Variants in CSMD1 observed in about 807,000 individuals in gnomAD.
CSMD1 encodes CUB and Sushi multiple domains 1.
CSMD1 carries 213 observed loss-of-function variants against 417.5 expected under a neutral mutation model. The ratio of observed to expected loss-of-function variants is 0.51; its 90% confidence interval spans 0.46 to 0.57. The LOEUF is 0.57. Among genes scored for constraint, CSMD1 ranks in the 20% least tolerant of loss-of-function variants. The probability of loss-of-function intolerance (pLI) is 0.00; values close to 1 mark genes in which losing one functional copy is unlikely to be tolerated. For synonymous variants in CSMD1, 2,862 were observed against 1,736.8 expected (o/e 1.65, Z -16.11); for missense variants, 6,923 against 4,529.7 (o/e 1.53, Z -15.17).
At chr8:3,653,367 G>C (rs1157692415) in intron 7 of CSMD1, among the ~76,000 whole-genome samples, 4 of 152,146 alleles carry the variant, frequency 2.6e-5, no homozygotes, top group Non-Finnish European at 4.4e-5. Flanking sequence ...GTACTGCAGA[G>C]GCATGATCTC....
chr8:4,312,585 T>C (rs1017081415), intron 3 of CSMD1, among the ~76,000 whole-genome samples: 1 of 151,326 alleles, frequency 6.6e-6, no homozygotes, highest in African/African-American at 2.5e-5. Flanking sequence ...ACAGATGTAT[T>C]AAAGTTGTTG....
At chr8:3,789,875 C>T (rs753969306) in intron 5 of CSMD1, among the ~76,000 whole-genome samples, 45 of 151,954 alleles carry the variant, frequency 3.0e-4, no homozygotes, top group Non-Finnish European at 6.5e-4. Context: ...GGGACTACAG[C>T]TGCCCACCAC....
chr8:3,547,268 A>G (rs1798706800), intron 10 of CSMD1, among the ~76,000 whole-genome samples: 1 of 152,354 alleles, frequency 6.6e-6, no homozygotes, highest in East Asian at 1.9e-4. Context: ...CCAAGAACAA[A>G]GACAGAAAGT....
At chr8:3,901,130 G>T (rs1466554037) in intron 5 of CSMD1, among the ~76,000 whole-genome samples, 2 of 152,184 alleles carry the variant, frequency 1.3e-5, no homozygotes, top group Non-Finnish European at 2.9e-5. Flanking sequence ...GGAGGGTCAT[G>T]AATGTACTGA....
intron 5 of CSMD1, among the ~76,000 whole-genome samples, chr8:3,933,416 T>G (rs1213147583): frequency 6.6e-6 from 1 of 152,208 alleles, no homozygotes; most frequent in South Asian, 2.1e-4. Context: ...GACTTGTATG[T>G]ATGACAGATA....
At chr8:4,004,174 G>A (rs1307462728) in intron 4 of CSMD1, among the ~76,000 whole-genome samples, 1 of 151,970 alleles carries the variant, frequency 6.6e-6, no homozygotes, top group Non-Finnish European at 1.5e-5. Context: ...TAATATAATT[G>A]TGGTATTATA....
chr8:4,948,491 T>G (rs1476511186), intron 1 of CSMD1, among the ~76,000 whole-genome samples: 1 of 152,076 alleles, frequency 6.6e-6, no homozygotes, highest in Non-Finnish European at 1.5e-5. Flanking sequence ...TTATTTAGAT[T>G]GCATAATGAC....
chr8:4,595,759 C>A (rs1051476234), intron 2 of CSMD1, among the ~76,000 whole-genome samples: 1 of 152,156 alleles, frequency 6.6e-6, no homozygotes, highest in Non-Finnish European at 1.5e-5. Context: ...AAAACAAATG[C>A]CATTCTTATC....
intron 2 of CSMD1, among the ~76,000 whole-genome samples, chr8:4,514,158 T>G (rs962893900): frequency 2.6e-5 from 4 of 152,196 alleles, no homozygotes; most frequent in Admixed American, 6.5e-5. Flanking sequence ...GTGAGAGCTC[T>G]CTTCCTGGCT....
chr8:3,242,411 A>AC (rs1376588329), intron 26 of CSMD1, among the ~76,000 whole-genome samples: 6 of 152,004 alleles, frequency 3.9e-5, no homozygotes, highest in Admixed American at 6.6e-5. Context: ...GATGAGTTGC[A>AC]TGGGAACAGA....
chr8:4,167,094 G>A (rs189554936), intron 3 of CSMD1, among the ~76,000 whole-genome samples: 1 of 152,094 alleles, frequency 6.6e-6, no homozygotes, highest in East Asian at 1.9e-4. Context: ...GTAGATAAAT[G>A]TAAAACCCTC....
intron 50 of CSMD1, among the ~76,000 whole-genome samples, chr8:3,043,345 A>G (rs12334604): frequency 0.3 from 43,947 of 146,168 alleles, 6,917 homozygotes; most frequent in East Asian, 0.45. Flanking sequence ...TATACATATA[A>G]CGATATATAC....
At chr8:4,052,211 C>T (rs936355555) in intron 3 of CSMD1, among the ~76,000 whole-genome samples, 2 of 152,104 alleles carry the variant, frequency 1.3e-5, no homozygotes, top group African/African-American at 4.8e-5. Context: ...AGGCATGAGC[C>T]ACCGTGCCCA....
intron 1 of CSMD1, among the ~76,000 whole-genome samples, chr8:4,946,303 T>A (rs139745062): frequency 9.9e-5 from 15 of 152,284 alleles, no homozygotes; most frequent in African/African-American, 2.9e-4. Context: ...CTAACCTCAA[T>A]CAATTAATAT....
intron 3 of CSMD1, among the ~76,000 whole-genome samples, chr8:4,066,818 C>A (rs56797323): frequency 0.017 from 2,648 of 152,282 alleles, 82 homozygotes; most frequent in African/African-American, 0.06. Flanking sequence ...AAAGCGAAAG[C>A]GACAACACCC....
chr8:3,511,616 G>C (rs574510649), intron 10 of CSMD1, among the ~76,000 whole-genome samples: 8 of 151,260 alleles, frequency 5.3e-5, no homozygotes, highest in Admixed American at 5.3e-4. Flanking sequence ...AGATTAGCTG[G>C]GCATGGTAGC....
chr8:3,995,476 C>T (rs1174436771), intron 5 of CSMD1, among the ~76,000 whole-genome samples: 2 of 152,162 alleles, frequency 1.3e-5, no homozygotes, highest in East Asian at 3.9e-4. Context: ...GCCTGTAGTC[C>T]TGAAACAGAG....
chr8:3,494,411 T>A (rs568633074), intron 10 of CSMD1, among the ~76,000 whole-genome samples: 31 of 151,940 alleles, frequency 2.0e-4, no homozygotes, highest in Admixed American at 3.9e-4. Context: ...GCCAATACTA[T>A]GAGGAAGAAA....
At chr8:3,439,310 T>TATATATATATATATA (rs1491240170) in intron 12 of CSMD1, among the ~76,000 whole-genome samples, 14 of 20,092 alleles carry the variant, frequency 7.0e-4, no homozygotes, top group South Asian at 2.0e-3. Context: ...TATATATATA[T>TATATATATATATATA]TTTTTTTTTT....
Sources: gnomAD v4.1 joint callset for allele counts (sites outside exome capture counted in the v4.1 genomes callset) on GRCh38, gnomAD v4.1.1 for gene constraint, MANE v1.5 for transcripts, NCBI Gene and HGNC (gene_info 2026-07-23, HGNC 2026-07-21) for gene names.